Variants in SPTBN4 observed in about 807,000 individuals in gnomAD.
SPTBN4 encodes spectrin beta, non-erythrocytic 4.
A neutral mutation model predicts 277.8 loss-of-function variants in SPTBN4; 96 were observed. The ratio of observed to expected loss-of-function variants is 0.35; its 90% CI spans 0.29 to 0.41. SPTBN4 has a LOEUF of 0.41. Among genes scored for constraint, SPTBN4 ranks in the 10% least tolerant of loss-of-function variants. SPTBN4 has a pLI of 1.00. For missense variants in SPTBN4, 3,006 were observed against 3,595.7 expected (o/e 0.84, Z 4.19); for synonymous variants, 1,481 against 1,580.3 (o/e 0.94, Z 1.49).
chr19:40,487,348 C>CTTTT (rs574600197), intron 2 of SPTBN4, among the ~76,000 whole-genome samples: 7 of 128,368 alleles, frequency 5.5e-5, no homozygotes, highest in Non-Finnish European at 3.3e-5. Flanking sequence ...CCGACTCACT[C>CTTTT]TTTTTTTTTT....
chr19:40,541,722 C>T (rs543739532), intron 20 of SPTBN4, among the ~76,000 whole-genome samples: 18 of 152,132 alleles, frequency 1.2e-4, no homozygotes, highest in African/African-American at 4.3e-4. Context: ...CCTCTCTGTC[C>T]TACTCTCTCA....
chr19:40,475,695 C>T (rs950069480), intron 2 of SPTBN4, among the ~76,000 whole-genome samples: 28 of 149,444 alleles, frequency 1.9e-4, no homozygotes, highest in African/African-American at 3.4e-4. Flanking sequence ...CTCCTGGGCT[C>T]GGGCAATCTG....
chr19:40,546,651 G>A (rs918865304), intron 20 of SPTBN4, among the ~76,000 whole-genome samples: 1 of 152,096 alleles, frequency 6.6e-6, no homozygotes, highest in Admixed American at 6.6e-5. Context: ...GACCAGCCTG[G>A]GCAACATAGC....
In SPTBN4 at chr19:40,493,068, C is replaced by A; in HGVS notation, c.587+14C>A. The A allele has an allele frequency of 6.2e-7, 1 of 1,613,592 alleles. No homozygotes were observed. The highest frequency in any genetic ancestry group is 8.5e-7 in the Non-Finnish European group (1 of 1,179,594). ...GAAGACAGCTGGGTAAGCACCCCCA[C>A]CACCTTCCTTAGGAGGTTAGGCAAG... is the stretch of plus-strand genomic sequence containing the variant. On this transcript the variant is annotated intron_variant, in intron 5 of 35. Transcript: ENST00000598249.
At chr19:40,544,288 G>A (rs1024280474) in intron 20 of SPTBN4, among the ~76,000 whole-genome samples, 11 of 151,174 alleles carry the variant, frequency 7.3e-5, no homozygotes, top group Non-Finnish European at 1.2e-4. Context: ...GATAACAGGC[G>A]CCTGCCACAA....
rs1224653155 is a variant in SPTBN4, at chr19:40,569,702, G to C, written c.7002G>C (p.Glu2334Asp). Residue 2334 changes from glutamate to aspartate, a missense_variant, in exon 32 of 36, where the codon GAG becomes GAC. By Grantham distance (45) the Glu-to-Asp change is conservative. Transcript: ENST00000598249. Reference protein sequence around the residue: ...ADIVEQLQEKEAGPGLPAGPS... With the variant: ...ADIVEQLQEKDAGPGLPAGPS... ...TTGTGGAACAGCTGCAGGAGAAAGAGGCAGGCCCAGGGCTGCCTGCTGGGG... is the reference window on the plus strand; with the variant it reads ...TTGTGGAACAGCTGCAGGAGAAAGACGCAGGCCCAGGGCTGCCTGCTGGGG... The C allele has an allele frequency of 1.2e-6, 2 of 1,612,760 alleles. No homozygotes were observed. Among genetic ancestry groups the C allele is most frequent in the East Asian group, 4.5e-5 (2 of 44,696 alleles).
Position 40,497,600 on chromosome 19 carries a change from T to C in SPTBN4, c.780T>C (p.Pro260=), listed in dbSNP as rs752333375. 3.7e-6 allele frequency: 6 copies of C among 1,613,356 alleles called. No homozygotes were observed. In the African/African-American group the frequency reaches 4.0e-5, roughly 11 times the overall value. The part of the protein sequence containing the change: ...QHLGLARLLD[P]EDVNMEAPDE... ...TGGGGCTGGCGCGGCTGCTGGATCC[T>C]GAAGGTGAGCCTCTCGCGGGCCCAG... The change falls in exon 7 of 36, where the codon CCT becomes CCC. Residue 260 remains proline, a synonymous_variant. Transcript: ENST00000598249.
In SPTBN4 at chr19:40,493,021, C is replaced by T; in HGVS notation, c.554C>T (p.Ala185Val). Residue 185 changes from alanine to valine, a missense_variant, in exon 5 of 36, where the codon GCT becomes GTT. Ala to Val is a moderately conservative substitution (Grantham distance 64). Transcript: ENST00000598249. The part of the protein sequence containing the change: ...DNRETRSAKD[A>V]LLLWCQMKTA... The stretch of plus-strand genomic sequence containing the variant: ...AGAGAGACACGCTCAGCCAAGGATG[C>T]TCTGCTCTTGTGGTGTCAGATGAAG... The T allele has an allele frequency of 6.2e-7, 1 of 1,614,138 alleles. No homozygotes were observed. The highest frequency in any genetic ancestry group is 8.5e-7 in the Non-Finnish European group (1 of 1,180,004).
chr19:40,477,439 T>G (rs1281555507), intron 2 of SPTBN4, among the ~76,000 whole-genome samples: 1 of 152,002 alleles, frequency 6.6e-6, no homozygotes, highest in Non-Finnish European at 1.5e-5. Flanking sequence ...GCAGCCTGGG[T>G]CCTGCCCCCA....
In SPTBN4 at chr19:40,512,620, G is replaced by A; in HGVS notation, c.1831G>A (p.Asp611Asn). ...TCCTGGCTCAGGCTACCAGCCCTGC[G>A]ACCCGCAGGTCATCTGCAACCGCGT... ...FSQLQGYQPC[D>N]PQVICNRVNH... Residue 611 changes from aspartate to asparagine, a missense_variant, in exon 14 of 36, where the codon GAC becomes AAC. Coordinates refer to ENST00000598249, the MANE Select transcript of SPTBN4 (RefSeq NM_020971.3). 12 of 1,538,246 alleles carry A rather than the reference G, an allele frequency of 7.8e-6. No individual in the cohort carries two copies. Among genetic ancestry groups the A allele is most frequent in the Non-Finnish European group, 9.6e-6 (11 of 1,150,264 alleles).
rs1334524645 is a variant in SPTBN4, at chr19:40,530,407, G to C, written c.3948+1276G>C. Reference sequence around the variant, plus strand: ...CCCACCTGGGGCCCCGCAAAGAGGCGGGCAGGGAGGCAGGCAGGGGGCGCA... The same window carrying C: ...CCCACCTGGGGCCCCGCAAAGAGGCCGGCAGGGAGGCAGGCAGGGGGCGCA... On this transcript the variant is annotated intron_variant, in intron 18 of 35. Transcript: ENST00000598249. 9.6e-6 allele frequency: 7 copies of C among 731,472 alleles called. No homozygotes were observed. In the South Asian group the frequency reaches 3.1e-4, roughly 32 times the overall value. The allele number at this position is 731,472 out of a possible 1,614,324, so 45.3% of individuals were successfully genotyped here.
intron 2 of SPTBN4, among the ~76,000 whole-genome samples, chr19:40,479,397 C>A (rs2079984145): frequency 6.6e-6 from 1 of 152,066 alleles, no homozygotes; most frequent in Admixed American, 6.6e-5. Context: ...CTGTGTGACG[C>A]CTCTCTCCAA....
In SPTBN4 at chr19:40,520,163, G is replaced by T; in HGVS notation, c.3654+12G>T. 1 of 1,402,562 alleles carries T rather than the reference G, an allele frequency of 7.1e-7. No homozygotes were observed. The highest frequency in any genetic ancestry group is 2.8e-5 in the East Asian group (1 of 36,142). The allele number at this position is 1,402,562 out of a possible 1,614,324, so 86.9% of individuals were successfully genotyped here. On this transcript the variant is annotated intron_variant, in intron 16 of 35. Coordinates refer to ENST00000598249, the MANE Select transcript of SPTBN4 (RefSeq NM_020971.3). The stretch of plus-strand genomic sequence containing the variant: ...TGCTGCGTAACCAGGTGCCCACTCG[G>T]GGTGTACATTTCGGAGAGGGAGAGT...
At chr19:40,574,659 G>C (rs1486171519) in intron 35 of SPTBN4, among the ~76,000 whole-genome samples, 1 of 152,024 alleles carries the variant, frequency 6.6e-6, no homozygotes, top group Non-Finnish European at 1.5e-5. Flanking sequence ...ACCACACCCG[G>C]CCAGAAGTAG....
chr19:40,504,127 A>C lies in SPTBN4; in HGVS notation c.1660A>C (p.Met554Leu). The change falls in exon 12 of 36, where the codon ATG (methionine) becomes CTG (leucine). Residue 554 changes from methionine to leucine, a missense_variant. Transcript: ENST00000598249. ...MVYMVDWMEE[M>L]QAQLLSRECG... is the part of the protein sequence containing the mutation. ...GTACATGGTGGACTGGATGGAGGAGATGCAGGTGCCGGCGGGGGGGCGGGG... is the reference window on the plus strand; with the variant it reads ...GTACATGGTGGACTGGATGGAGGAGCTGCAGGTGCCGGCGGGGGGGCGGGG... The C allele has an allele frequency of 1.2e-6, 1 of 803,708 alleles. No homozygotes were observed. Among genetic ancestry groups the C allele is most frequent in the Non-Finnish European group, 1.7e-6 (1 of 583,588 alleles). The allele number at this position is 803,708 out of a possible 1,614,324, so 49.8% of individuals were successfully genotyped here.
chr19:40,505,755 A>AAGG (rs1568786573), intron 12 of SPTBN4, among the ~76,000 whole-genome samples: 386 of 127,338 alleles, frequency 3.0e-3, no homozygotes, highest in Middle Eastern at 8.8e-3. Context: ...AGGAAGGAAG[A>AAGG]AAGAAAGGTG....
chr19:40,563,564 A>G (rs903739737), intron 27 of SPTBN4, among the ~76,000 whole-genome samples: 1 of 151,760 alleles, frequency 6.6e-6, no homozygotes, highest in Non-Finnish European at 1.5e-5. Context: ...TATCACTTCA[A>G]CAGGTAGTCA....
intron 22 of SPTBN4, among the ~76,000 whole-genome samples, chr19:40,551,208 AAAC>A (rs1318930137): frequency 1.3e-5 from 2 of 152,174 alleles, no homozygotes; most frequent in African/African-American, 2.4e-5. Context: ...GGAAAAAGTA[AAAC>A]AACAACAAAC....
chr19:40,515,353 C>T lies in SPTBN4; in HGVS notation c.2808C>T (p.Arg936=), dbSNP rs751083797. 4.1e-5 allele frequency: 66 copies of T among 1,610,832 alleles called. 1 individual carries two copies. The South Asian group carries it at 5.8e-4, about 14-fold the overall frequency. ...LDQEMNSLMG[R]VLDVNHTVQE... ...AAGAGATGAACAGCCTGATGGGCCG[C>T]GTTCTGGACGTGAACCACACAGTCC... Residue 936 remains arginine (R), a synonymous_variant, in exon 15 of 36, where the codon CGC becomes CGT. Transcript: ENST00000598249. The surrounding 1 kb of genome is among the most constrained non-coding windows in gnomAD (Gnocchi z 4.1).
Sources: allele counts gnomAD v4.1 joint callset (sites outside exome capture counted in the v4.1 genomes callset), GRCh38; gene constraint gnomAD v4.1.1; non-coding constraint Gnocchi (gnomAD v3.1); transcripts MANE v1.5; gene names NCBI Gene and HGNC (gene_info 2026-07-23, HGNC 2026-07-21).